The following SLC16A12 variants were observed in gnomAD, a reference collection of about 807,000 sequenced individuals.
SLC16A12 encodes the protein monocarboxylate transporter 12.
In SLC16A12, 17 loss-of-function variants were observed where a neutral mutation model predicts 42.4. The ratio of observed to expected loss-of-function variants is 0.40; its 90% CI spans 0.27 to 0.60. SLC16A12 has a LOEUF of 0.60. SLC16A12 is among the 20% of genes least tolerant of loss of function. SLC16A12 has a pLI of 0.42. For synonymous variants in SLC16A12, 224 were observed against 229.4 expected, an observed-to-expected ratio of 0.98 and a Z score of 0.21; for missense variants, 544 against 623.0, an observed-to-expected ratio of 0.87 and a Z score of 1.35.
chr10:89,554,642 G>A (rs1386993156), intron 2 of SLC16A12, among the ~76,000 whole-genome samples: 2 of 152,116 alleles, frequency 1.3e-5, no homozygotes, highest in African/African-American at 2.4e-5. Context: ...TTGACTTTTA[G>A]ATGACATATG....
chr10:89,526,421 A>G (rs931967697), intron 2 of SLC16A12, among the ~76,000 whole-genome samples: 7 of 152,182 alleles, frequency 4.6e-5, no homozygotes, highest in Non-Finnish European at 8.8e-5. Flanking sequence ...TGCTGTAAAT[A>G]TCTAACTGCT....
At position 89,438,621 on chromosome 10, in the gene SLC16A12, T is replaced by A. The variant is rs1841844562; in HGVS notation, c.1011A>T (p.Gly337=). 3 of 1,613,650 alleles carry A rather than the reference T, an allele frequency of 1.9e-6. No homozygotes were observed. In the South Asian group the frequency reaches 3.3e-5, roughly 18 times the overall value. ...AATTTTACCTTCTGTCGGTCAGCCA[T>A]CCAAATGTGATATTGCCAATAATGT... The part of the protein sequence containing the change: ...VIDIIGNITF[G]WLTDRRCLKN... Residue 337 remains glycine (G), a synonymous_variant, in exon 6 of 8, where the codon GGA becomes GGT. Transcript: ENST00000371790.
At chr10:89,482,441 C>T (rs1490934376) in intron 2 of SLC16A12, among the ~76,000 whole-genome samples, 1 of 152,072 alleles carries the variant, frequency 6.6e-6, no homozygotes, top group Non-Finnish European at 1.5e-5. Flanking sequence ...TGGCAGAAAA[C>T]AGTATCATGG....
intron 4 of SLC16A12, among the ~76,000 whole-genome samples, chr10:89,442,207 G>A (rs1352755416): frequency 2.6e-5 from 4 of 152,212 alleles, no homozygotes; most frequent in Admixed American, 6.5e-5. Flanking sequence ...TCATCACAGA[G>A]CAGATCTGTT....
chr10:89,491,871 T>C (rs1435107186), intron 2 of SLC16A12, among the ~76,000 whole-genome samples: 1 of 152,130 alleles, frequency 6.6e-6, no homozygotes, highest in African/African-American at 2.4e-5. Flanking sequence ...AAAATAAAGC[T>C]GCAGTTTTAC....
intron 2 of SLC16A12, among the ~76,000 whole-genome samples, chr10:89,544,240 G>A (rs780219891): frequency 9.2e-5 from 14 of 152,194 alleles, no homozygotes; most frequent in African/African-American, 2.4e-4. Flanking sequence ...TTCTCTGACC[G>A]TCTAAGGCTT....
rs148580659 is a variant in SLC16A12, at chr10:89,495,771, G to A, written c.-46-33147C>T. Among the ~76,000 whole-genome samples the A allele has an allele frequency of 5.1e-3, 783 of 152,284 alleles. 3 individuals carry two copies. Among genetic ancestry groups the A allele is most frequent in the African/African-American group, 0.013 (533 of 41,556 alleles). ...GTACCAGTTGTTTACCATCATGATCGTGGGGCTGACAGAGCTGTGGCTTGC... is the reference window on the plus strand; with the variant it reads ...GTACCAGTTGTTTACCATCATGATCATGGGGCTGACAGAGCTGTGGCTTGC... On this transcript the variant is annotated intron_variant, in intron 2 of 7. Coordinates refer to ENST00000371790, the MANE Select transcript of SLC16A12 (RefSeq NM_213606.4).
chr10:89,537,165 T>TTTA (rs1186991213), upstream of SLC16A12, among the ~76,000 whole-genome samples: 3,810 of 144,972 alleles, frequency 0.026, 237 homozygotes, highest in East Asian at 0.26. Flanking sequence ...TTTTTTTTTT[T>TTTA]GGGAAGGAGT....
At chr10:89,505,478 C>G (rs989704829) in intron 2 of SLC16A12, among the ~76,000 whole-genome samples, 4 of 152,074 alleles carry the variant, frequency 2.6e-5, no homozygotes, top group African/African-American at 7.2e-5. Flanking sequence ...TGAATAGGAA[C>G]AGCTCTGGTC....
chr10:89,480,209 A>C (rs1440112917), intron 2 of SLC16A12, among the ~76,000 whole-genome samples: 1 of 152,212 alleles, frequency 6.6e-6, no homozygotes, highest in Non-Finnish European at 1.5e-5. Context: ...TGCAAATATG[A>C]ATACCACATT....
At chr10:89,493,284 C>T (rs1392369988) in intron 2 of SLC16A12, among the ~76,000 whole-genome samples, 1 of 151,216 alleles carries the variant, frequency 6.6e-6, no homozygotes, top group Non-Finnish European at 1.5e-5. Flanking sequence ...GTGCAATGGC[C>T]CAATCTCAGC....
At chr10:89,438,038 A>T (rs1394908097) in intron 6 of SLC16A12, among the ~76,000 whole-genome samples, 7 of 152,060 alleles carry the variant, frequency 4.6e-5, no homozygotes, top group Non-Finnish European at 8.8e-5. Flanking sequence ...TTCAAAAGAA[A>T]CTAACACCAC....
rs1049119422 is a variant in SLC16A12 at position 89,440,155 on chromosome 10, A to G, written c.448+953T>C. ...AAAATCTGAGGGGCTGTGAGCCTGG[A>G]TTTTATGGCAACTAGAATGTCAGAG... is the stretch of plus-strand genomic sequence containing the variant. On this transcript the variant is annotated intron_variant, in intron 5 of 7. Coordinates refer to ENST00000371790, the MANE Select transcript of SLC16A12 (RefSeq NM_213606.4). Among the ~76,000 whole-genome samples, 14 of 147,882 alleles carry G rather than the reference A, an allele frequency of 9.5e-5. 1 individual carries two copies. The East Asian group carries it at 2.2e-3, about 23-fold the overall frequency.
upstream of SLC16A12, among the ~76,000 whole-genome samples, chr10:89,535,971 C>T (rs990296403): frequency 2.0e-5 from 3 of 152,224 alleles, no homozygotes; most frequent in Non-Finnish European, 4.4e-5. Flanking sequence ...TCTGCCTGGC[C>T]GGCAAAGAGG....
chr10:89,491,381 A>G (rs1353569514), intron 2 of SLC16A12, among the ~76,000 whole-genome samples: 1 of 152,188 alleles, frequency 6.6e-6, no homozygotes, highest in Non-Finnish European at 1.5e-5. Flanking sequence ...AAAAATAAAA[A>G]CAAAAAACAA....
chr10:89,455,031 A>G (rs1487810676), intron 3 of SLC16A12, among the ~76,000 whole-genome samples: 1 of 152,178 alleles, frequency 6.6e-6, no homozygotes, highest in Non-Finnish European at 1.5e-5. Context: ...AGTGAAAATG[A>G]TTGAGTAGCA....
At chr10:89,440,526 T>C (rs1406694884) in intron 5 of SLC16A12, among the ~76,000 whole-genome samples, 4 of 152,216 alleles carry the variant, frequency 2.6e-5, no homozygotes, top group African/African-American at 4.8e-5. Context: ...CAAACTCCCA[T>C]TGCAGTCCCA....
At chr10:89,471,213 A>G (rs1842488743) in intron 2 of SLC16A12, among the ~76,000 whole-genome samples, 1 of 152,216 alleles carries the variant, frequency 6.6e-6, no homozygotes, top group South Asian at 2.1e-4. Context: ...CAAGACAAAG[A>G]ACATTTTTAT....
intron 2 of SLC16A12, among the ~76,000 whole-genome samples, chr10:89,476,595 T>A (rs1433593149): frequency 1.3e-5 from 2 of 152,236 alleles, no homozygotes; most frequent in Non-Finnish European, 2.9e-5. Context: ...TTCCCAGTTC[T>A]CTGGTTCAGG....
Sources: gnomAD v4.1 joint callset for allele counts (sites outside exome capture counted in the v4.1 genomes callset) on GRCh38, gnomAD v4.1.1 for gene constraint, MANE v1.5 for transcripts, NCBI Gene and HGNC (gene_info 2026-07-23, HGNC 2026-07-21) for gene names.